Variants in EARS2 observed in about 807,000 individuals in gnomAD.
EARS2 encodes the protein nondiscriminating glutamyl-tRNA synthetase EARS2, mitochondrial.
A neutral mutation model predicts 54.1 loss-of-function variants in EARS2; 50 were observed. The observed-to-expected ratio is 0.92, with a 90% confidence interval of 0.74 to 1.17. EARS2 has a LOEUF of 1.17. Among genes scored for constraint, EARS2 ranks in the 50% most tolerant of loss-of-function variants. EARS2 has a pLI of 0.00. For synonymous variants in EARS2, 298 were observed against 281.0 expected, an observed-to-expected ratio of 1.06 and a Z score of -0.61; for missense variants, 673 against 675.0, an observed-to-expected ratio of 1.00 and a Z score of 0.03.
At chr16:23,547,824 T>C (rs1299533113) in intron 2 of EARS2, among the ~76,000 whole-genome samples, 1 of 151,968 alleles carries the variant, frequency 6.6e-6, no homozygotes, top group African/African-American at 2.4e-5. Flanking sequence ...AGGCTGGGCA[T>C]GCTGGGTCAT....
In EARS2 at chr16:23,557,220, C is replaced by A; in HGVS notation, c.124G>T (p.Ala42Ser). The A allele has an allele frequency of 6.6e-7, 1 of 1,515,846 alleles. No homozygotes were observed. 93.9% of individuals were successfully genotyped at this position (1,515,846 alleles called of 1,614,324 possible). Residue 42 changes from alanine to serine, a missense_variant, in exon 1 of 9, where the codon GCT becomes TCT. Physicochemically the swap from Ala to Ser is moderately conservative, Grantham distance 99 (BLOSUM62 1). Around this residue, in one of 3 missense-constraint regions of EARS2, gnomAD observed 316 missense variants for 275.2 expected, o/e 1.15. Coordinates refer to ENST00000449606, the MANE Select transcript of EARS2 (RefSeq NM_001083614.2). ...DAGVAVRVRF[A>S]PSPTGFLHLG... ...CCAGGGTTACCTGTGGGGCTGGGAGCGAACCGCACTCGCACCGCAACCCCG... is the reference window on the plus strand; with the variant it reads ...CCAGGGTTACCTGTGGGGCTGGGAGAGAACCGCACTCGCACCGCAACCCCG...
At chr16:23,549,408 C>T (rs1002136268) in intron 2 of EARS2, among the ~76,000 whole-genome samples, 6 of 152,212 alleles carry the variant, frequency 3.9e-5, no homozygotes, top group Admixed American at 6.5e-5. Flanking sequence ...GAGCCAAGTG[C>T]AGCCTGCTGG....
At chr16:23,548,971 C>T (rs1319533459) in intron 2 of EARS2, among the ~76,000 whole-genome samples, 1 of 152,090 alleles carries the variant, frequency 6.6e-6, no homozygotes, top group Non-Finnish European at 1.5e-5. Context: ...GGAGAGTTTC[C>T]CTTCTGTCAT....
At chr16:23,552,483 C>A (rs1019204669) in intron 1 of EARS2, among the ~76,000 whole-genome samples, 179 bp from the exon 2 acceptor site, 1 of 151,224 alleles carries the variant, frequency 6.6e-6, no homozygotes, top group African/African-American at 2.4e-5. Context: ...ATCACTTGAG[C>A]CCAGGAGGTT....
In EARS2 at chr16:23,547,598, C is replaced by T. The variant is rs372098618; in HGVS notation, c.296-2895G>A. 4.6e-5 allele frequency among the ~76,000 whole-genome samples: 7 copies of T among 152,114 alleles called. No individual in the cohort carries two copies. In the East Asian group the frequency reaches 9.7e-4, roughly 21 times the overall value. ...TCGGCTCACTGCAACCTCCACCTCC[C>T]GGTTCAAGCAATTCTCCTGCCTCAG... On this transcript the variant is annotated intron_variant, in intron 2 of 8. Transcript: ENST00000449606.
intron 3 of EARS2, among the ~76,000 whole-genome samples, chr16:23,535,814 T>C (rs1965408493): frequency 6.6e-6 from 1 of 152,126 alleles, no homozygotes; most frequent in South Asian, 2.1e-4. Context: ...AGGAGGAAAA[T>C]CCCTTCTTAA....
At position 23,547,371 on chromosome 16, in the gene EARS2, T is replaced by C. The variant is rs550604885; in HGVS notation, c.296-2668A>G. 7.9e-5 allele frequency among the ~76,000 whole-genome samples: 12 copies of C among 152,268 alleles called. No individual in the cohort carries two copies. The East Asian group carries it at 2.3e-3, about 29-fold the overall frequency. On this transcript the variant is annotated intron_variant, in intron 2 of 8. Transcript: ENST00000449606. ...GGGTAGAATGGAAAACAACTGCTAA[T>C]AAGGAAGAGTTTCTTTTAGGGGTGA...
At chr16:23,541,308 T>C (rs990006486) in intron 3 of EARS2, among the ~76,000 whole-genome samples, 4 of 151,980 alleles carry the variant, frequency 2.6e-5, no homozygotes, top group Non-Finnish European at 5.9e-5. Flanking sequence ...GCCTGGGGAA[T>C]AGAGCAAGAC....
At chr16:23,536,778 G>A (rs944203279) in intron 3 of EARS2, among the ~76,000 whole-genome samples, 12 of 151,390 alleles carry the variant, frequency 7.9e-5, no homozygotes, top group African/African-American at 2.9e-4. Flanking sequence ...CACCTCCAGG[G>A]TTCAAGCAAT....
chr16:23,529,373 G>GA, intron 7 of EARS2, 129 bp downstream of exon 7: 3 of 1,240,410 alleles, frequency 2.4e-6, no homozygotes, highest in Non-Finnish European at 3.3e-6. Flanking sequence ...AGCCAGTGAA[G>GA]GGTCACTTCT....
chr16:23,545,829 A>AT (rs1200828915), intron 2 of EARS2, among the ~76,000 whole-genome samples: 2 of 151,990 alleles, frequency 1.3e-5, no homozygotes, highest in Admixed American at 6.6e-5. Flanking sequence ...ACATCTGGCT[A>AT]TTTTTTTAGT....
chr16:23,549,079 G>A (rs997584022), intron 2 of EARS2, among the ~76,000 whole-genome samples: 1 of 152,128 alleles, frequency 6.6e-6, no homozygotes, highest in African/African-American at 2.4e-5. Flanking sequence ...CAAGCTGCGG[G>A]TGACGGGAAT....
intron 2 of EARS2, among the ~76,000 whole-genome samples, chr16:23,547,996 T>C (rs947921177): frequency 6.6e-6 from 1 of 151,834 alleles, no homozygotes; most frequent in Non-Finnish European, 1.5e-5. Context: ...TTTGGGAGGC[T>C]GAGGCGGGCA....
At chr16:23,527,913 CAT>C (rs1403370675) in intron 7 of EARS2, among the ~76,000 whole-genome samples, 2 of 152,170 alleles carry the variant, frequency 1.3e-5, no homozygotes, top group Non-Finnish European at 2.9e-5. Context: ...CCCCTAAATT[CAT>C]ATGTTGAAAT....
intron 2 of EARS2, chr16:23,546,276 G>T (rs1203870645): frequency 2.5e-6 from 1 of 405,766 alleles, no homozygotes; most frequent in Non-Finnish European, 5.0e-6. Context: ...TGGTGTTTCT[G>T]CCCTCAAAGA....
rs754284109 is a variant in EARS2, at chr16:23,525,230, T to A, written c.1488+14A>T. 4 of 1,614,150 alleles carry A rather than the reference T, an allele frequency of 2.5e-6. No homozygotes were observed. The South Asian group carries it at 4.4e-5, about 18-fold the overall frequency. On this transcript the variant is annotated intron_variant, in intron 8 of 8. Transcript: ENST00000449606. Reference sequence around the variant, plus strand: ...GGGCTCCAGGGAACAATCCAACCCGTGTCCCTGCCTCACCTGCTGTCCACT... The same window carrying A: ...GGGCTCCAGGGAACAATCCAACCCGAGTCCCTGCCTCACCTGCTGTCCACT...
chr16:23,546,419 G>A, intron 2 of EARS2: 1 of 456,018 alleles, frequency 2.2e-6, no homozygotes, highest in South Asian at 1.5e-5. Flanking sequence ...CATCTTTCTG[G>A]GCTCTGGGTT....
Position 23,535,263 on chromosome 16 carries a change from C to T in EARS2, c.583G>A (p.Val195Met). ...PAIRFRLEQV[V>M]PAFQDLVYGW... is the part of the protein sequence containing the mutation. ...TAGACCAGGTCCTGGAAGGCTGGCA[C>T]CACCTGCTCCAGGCGGAAGCGGATC... Residue 195 changes from valine to methionine, a missense_variant, in exon 4 of 9, where the codon GTG becomes ATG. By Grantham distance (21) the Val-to-Met change is conservative (BLOSUM62 1). Around this residue, in one of 3 missense-constraint regions of EARS2, gnomAD observed 316 missense variants for 275.2 expected, o/e 1.15. Transcript: ENST00000449606. 1 of 1,609,502 alleles carries T rather than the reference C, an allele frequency of 6.2e-7. No individual in the cohort carries two copies. The highest frequency in any genetic ancestry group is 1.1e-5 in the South Asian group (1 of 90,902).
At chr16:23,550,553 T>A (rs1965678519) in intron 2 of EARS2, among the ~76,000 whole-genome samples, 1 of 147,042 alleles carries the variant, frequency 6.8e-6, no homozygotes, top group African/African-American at 2.5e-5. Context: ...TTCTCCTGCC[T>A]CAGCCTCCTG....
Sources: allele counts gnomAD v4.1 joint callset (sites outside exome capture counted in the v4.1 genomes callset), GRCh38; gene constraint gnomAD v4.1.1; regional missense constraint gnomAD v4.1.1; transcripts MANE v1.5; gene names NCBI Gene and HGNC (gene_info 2026-07-23, HGNC 2026-07-21).